ATXN3: variants seen among roughly 807,000 people sequenced by gnomAD.
The protein encoded by ATXN3 is ataxin-3.
A neutral mutation model predicts 58.2 loss-of-function variants in ATXN3; 28 were observed. That is an observed-to-expected ratio of 0.48 (90% CI 0.36 to 0.66). The LOEUF is 0.66. Among genes scored for constraint, ATXN3 ranks in the 30% least tolerant of loss-of-function variants. ATXN3 has a pLI of 0.00. For synonymous variants in ATXN3, 113 were observed against 138.5 expected, an observed-to-expected ratio of 0.82 and a Z score of 1.29; for missense variants, 321 against 422.1, an observed-to-expected ratio of 0.76 and a Z score of 2.10.
intron 1 of ATXN3, chr14:92,097,039 C>T: frequency 2.1e-6 from 1 of 486,624 alleles, no homozygotes; most frequent in Admixed American, 3.3e-5. Flanking sequence ...TCCCGAGTAG[C>T]TGGTACTACA....
chr14:92,087,068 C>T (rs2402104), intron 6 of ATXN3, among the ~76,000 whole-genome samples: 43,001 of 151,982 alleles, frequency 0.28, 6,426 homozygotes, highest in East Asian at 0.44. Flanking sequence ...CGGAAAGCCA[C>T]AAGGAAGGTG....
chr14:92,086,825 G>T lies in ATXN3; in HGVS notation c.475+1905C>A, dbSNP rs916629570. On this transcript the variant is annotated intron_variant, in intron 6 of 10. Transcript: ENST00000644486. ...GCTTATAGGAATATTACAAAAAAAGGGGGGGGGAACTGATTATATAAGAGA... is the reference window on the plus strand; with the variant it reads ...GCTTATAGGAATATTACAAAAAAAGTGGGGGGGAACTGATTATATAAGAGA... Among the ~76,000 whole-genome samples, 50 of 62,800 alleles carry T rather than the reference G, an allele frequency of 8.0e-4. 1 individual carries two copies. The highest frequency in any genetic ancestry group is 5.4e-3 in the Admixed American group (47 of 8,640). 41.2% of individuals were successfully genotyped at this position (62,800 alleles called of 152,430 possible).
At chr14:92,106,089 C>T (rs1204201713) in intron 1 of ATXN3, among the ~76,000 whole-genome samples, 1 of 152,004 alleles carries the variant, frequency 6.6e-6, no homozygotes, top group Non-Finnish European at 1.5e-5. Context: ...TTGAGCAGTC[C>T]GGAGGAGGAA....
At chr14:92,095,670 C>T (rs2065037364) in intron 3 of ATXN3, among the ~76,000 whole-genome samples, 1 of 151,918 alleles carries the variant, frequency 6.6e-6, no homozygotes, top group Non-Finnish European at 1.5e-5. Context: ...ATCTAGTACT[C>T]TAGTTGGCCA....
At chr14:92,101,278 C>A (rs1264362196) in intron 1 of ATXN3, among the ~76,000 whole-genome samples, 1 of 152,142 alleles carries the variant, frequency 6.6e-6, no homozygotes, top group Non-Finnish European at 1.5e-5. Flanking sequence ...CTACACGGAG[C>A]TAAGATTGTG....
chr14:92,075,440 T>C (rs2060202402), intron 9 of ATXN3, among the ~76,000 whole-genome samples: 1 of 152,182 alleles, frequency 6.6e-6, no homozygotes, highest in East Asian at 1.9e-4. Flanking sequence ...GTGCTGGGAT[T>C]ACAAGCGTGA....
chr14:92,104,740 T>A (rs966588136), intron 1 of ATXN3, among the ~76,000 whole-genome samples: 1 of 150,988 alleles, frequency 6.6e-6, no homozygotes, highest in African/African-American at 2.4e-5. Flanking sequence ...CTGGCCAACA[T>A]GGTGAAACCC....
intron 10 of ATXN3, among the ~76,000 whole-genome samples, chr14:92,069,095 T>TG (rs2058964088): frequency 6.6e-6 from 1 of 151,672 alleles, no homozygotes; most frequent in East Asian, 1.9e-4. Context: ...TTTTTTTTTT[T>TG]GAGAAGGAGT....
intron 9 of ATXN3, 105 bp from the exon 10 acceptor site, chr14:92,071,158 A>C (rs746454122): frequency 1.6e-5 from 24 of 1,466,448 alleles, no homozygotes; most frequent in Non-Finnish European, 2.2e-5. Flanking sequence ...TCACGAATCA[A>C]AGTAGTCACT....
intron 9 of ATXN3, among the ~76,000 whole-genome samples, chr14:92,072,025 G>A (rs2059536554): frequency 6.6e-6 from 1 of 152,168 alleles, no homozygotes; most frequent in Non-Finnish European, 1.5e-5. Context: ...TACATAGTAA[G>A]CATTCACTGA....
intron 9 of ATXN3, among the ~76,000 whole-genome samples, chr14:92,078,529 T>C (rs1228293766): frequency 6.6e-6 from 1 of 151,530 alleles, no homozygotes; most frequent in Admixed American, 6.6e-5. Flanking sequence ...GCCTGGCTAA[T>C]TTTTTGTATT....
intron 1 of ATXN3, among the ~76,000 whole-genome samples, chr14:92,102,755 G>A (rs954754866): frequency 6.6e-6 from 1 of 152,184 alleles, no homozygotes; most frequent in African/African-American, 2.4e-5. Context: ...TACAGAGGAG[G>A]AAACTAGAGG....
chr14:92,092,683 T>C (rs1015386815), intron 5 of ATXN3, among the ~76,000 whole-genome samples: 1 of 152,084 alleles, frequency 6.6e-6, no homozygotes, highest in Non-Finnish European at 1.5e-5. Flanking sequence ...TCTTATGATA[T>C]AGTTAAATTG....
chr14:92,085,932 AG>A (rs1448200060), intron 6 of ATXN3, among the ~76,000 whole-genome samples: 1 of 152,246 alleles, frequency 6.6e-6, no homozygotes, highest in Non-Finnish European at 1.5e-5. Flanking sequence ...AAAGGTAGAC[AG>A]GGTTTCTAAG....
chr14:92,072,185 G>C (rs12586535), intron 9 of ATXN3, among the ~76,000 whole-genome samples: 2 of 151,920 alleles, frequency 1.3e-5, no homozygotes, highest in Non-Finnish European at 2.9e-5. Context: ...TAAACATGAC[G>C]GTTATCATGT....
downstream of ATXN3, among the ~76,000 whole-genome samples, chr14:92,057,628 T>C (rs189498019): frequency 2.4e-3 from 359 of 152,094 alleles, 1 homozygote; most frequent in African/African-American, 7.8e-3. Context: ...TGTAATGTTA[T>C]TATGTTTCAA....
chr14:92,079,547 T>C (rs1388197098), intron 9 of ATXN3: 2 of 476,818 alleles, frequency 4.2e-6, no homozygotes, highest in East Asian at 3.1e-4. Context: ...TATTTATAGG[T>C]GCTGCTAATA....
chr14:92,103,920 A>G (rs1474783569), intron 1 of ATXN3, among the ~76,000 whole-genome samples: 2 of 152,210 alleles, frequency 1.3e-5, no homozygotes, highest in Non-Finnish European at 2.9e-5. Flanking sequence ...AAGGCAGTGA[A>G]CGGAAAAATG....
At chr14:92,097,585 G>C (rs2065719484) in intron 1 of ATXN3, among the ~76,000 whole-genome samples, 2 of 151,160 alleles carry the variant, frequency 1.3e-5, no homozygotes, top group Non-Finnish European at 2.9e-5. Flanking sequence ...GAGTGCAGTG[G>C]CATGATCTCG....
Sources: gnomAD v4.1 joint callset for allele counts (sites outside exome capture counted in the v4.1 genomes callset) on GRCh38, gnomAD v4.1.1 for gene constraint, MANE v1.5 for transcripts, NCBI Gene and HGNC (gene_info 2026-07-23, HGNC 2026-07-21) for gene names.